Variants in C12orf50 observed in about 807,000 individuals in gnomAD.
C12orf50 encodes the protein zinc finger CCCH-type containing 11D, also known as uncharacterized protein C12orf50.
C12orf50 carries 35 observed loss-of-function variants against 61.6 expected under a neutral mutation model. That is an observed-to-expected ratio of 0.57 (90% CI 0.43 to 0.75). The LOEUF (loss-of-function observed/expected upper bound fraction) is 0.75. C12orf50 is among the 30% of genes least tolerant of loss of function. The pLI is 0.00. For synonymous variants in C12orf50, 178 were observed against 161.5 expected, an observed-to-expected ratio of 1.10 and a Z score of -0.77; for missense variants, 475 against 488.5, an observed-to-expected ratio of 0.97 and a Z score of 0.26.
At chr12:88,020,870 C>T (rs577569949) in intron 3 of C12orf50, among the ~76,000 whole-genome samples, 31 of 150,900 alleles carry the variant, frequency 2.1e-4, no homozygotes, top group African/African-American at 7.3e-4. Flanking sequence ...ATATAGGAAT[C>T]AATACTAAGA....
rs2030820640 is a variant in C12orf50, at chr12:87,986,345, G to T, written c.889C>A (p.Pro297Thr). The T allele has an allele frequency of 7.5e-6, 12 of 1,610,648 alleles. No individual in the cohort carries two copies. The highest frequency in any genetic ancestry group is 1.0e-5 in the Non-Finnish European group (12 of 1,178,498). Residue 297 changes from proline (P) to threonine (T), a missense_variant, in exon 10 of 13, where the codon CCA becomes ACA. Transcript: ENST00000298699. ...VKKRKWIYDE[P>T]QNFPNSGMQR... ...ATTCCAGAGTTAGGAAAGTTCTGTG[G>T]TTCATCATAAATCCATTTTCTTTTC...
intron 5 of C12orf50, 35 bp downstream of exon 5, chr12:87,996,532 CAA>C (rs2031402202): frequency 1.3e-6 from 2 of 1,590,964 alleles, no homozygotes; most frequent in Non-Finnish European, 1.7e-6. Flanking sequence ...TTTATCACAT[CAA>C]GTATTAGAAA....
intron 9 of C12orf50, 102 bp downstream of exon 9, chr12:87,987,748 C>CT (rs1425119672): frequency 2.5e-6 from 2 of 787,104 alleles, no homozygotes; most frequent in Non-Finnish European, 4.1e-6. Context: ...ATTTTTAAAC[C>CT]TTTTTTCTTT....
rs2032733226 is a variant in C12orf50 at position 88,027,039 on chromosome 12, T to G, written c.-77A>C. On this transcript the variant is annotated 5_prime_UTR_variant, in exon 2 of 13. Transcript: ENST00000298699. ...GCACACAGTGTCACTGCCAAGGGCC[T>G]CTTCACAGTGTCGGAATCGGCACTG... 6.2e-7 allele frequency: 1 copy of G among 1,613,326 alleles called. No individual in the cohort carries two copies. Among genetic ancestry groups the G allele is most frequent in the Non-Finnish European group, 8.5e-7 (1 of 1,179,766 alleles).
At chr12:87,994,988 A>G (rs1378136375) in intron 6 of C12orf50, among the ~76,000 whole-genome samples, 1 of 152,156 alleles carries the variant, frequency 6.6e-6, no homozygotes, top group Non-Finnish European at 1.5e-5. Flanking sequence ...ATTGTAAGCA[A>G]TCTAACACTA....
rs758912316 is a variant in C12orf50 at position 87,998,104 on chromosome 12, G to A, written c.220C>T (p.Arg74Ter). 3.1e-6 allele frequency: 5 copies of A among 1,612,672 alleles called. No homozygotes were observed. The African/African-American group carries it at 4.0e-5, about 13-fold the overall frequency. ...EPLKPQENIS[R>*]PIHHPLVLKT... is the part of the protein sequence containing the mutation. Reference sequence around the variant, plus strand: ...AAAACTAAAGGATGGTGGATGGGTCGTGATATATTTTCCTGAGGTTTCAGA... The same window carrying A: ...AAAACTAAAGGATGGTGGATGGGTCATGATATATTTTCCTGAGGTTTCAGA... Residue 74 changes from arginine to a stop codon, truncating the protein, a stop_gained, in exon 4 of 13, where the codon CGA becomes TGA. Transcript: ENST00000298699. LOFTEE classifies it high-confidence loss of function.
Position 87,990,476 on chromosome 12 carries a change from A to C in C12orf50, c.593-1105T>G, listed in dbSNP as rs111918240. ...AAGATTTTTGGTTTCTACCATGACC[A>C]AAATGGCTTTTATTAGAATAACTTT... is the stretch of plus-strand genomic sequence containing the variant. On this transcript the variant is annotated intron_variant, in intron 7 of 12. Transcript: ENST00000298699. Among the ~76,000 whole-genome samples, 11 of 152,292 alleles carry C rather than the reference A, an allele frequency of 7.2e-5. 1 individual carries two copies. Among genetic ancestry groups the C allele is most frequent in the African/African-American group, 2.6e-4 (11 of 41,568 alleles).
intron 3 of C12orf50, among the ~76,000 whole-genome samples, chr12:88,025,302 G>A (rs909952587): frequency 7.2e-5 from 11 of 152,248 alleles, no homozygotes; most frequent in Admixed American, 1.3e-4. Context: ...AAGAAGTTAA[G>A]TACCAATGCT....
In C12orf50 at chr12:87,987,843, G is replaced by T. The variant is rs768648761; in HGVS notation, c.817+7C>A. On this transcript the variant is annotated splice_region_variant and intron_variant, in intron 9 of 12. Transcript: ENST00000298699. ...GAGGCCAAAAAGTGATAGAGCTAAT[G>T]TCTCACTTGAAGAGGGGTCCTCTCT... The T allele has an allele frequency of 2.0e-6, 3 of 1,526,410 alleles. No homozygotes were observed. The highest frequency in any genetic ancestry group is 2.3e-5 in the East Asian group (1 of 44,206). 94.6% of individuals were successfully genotyped at this position (1,526,410 alleles called of 1,614,324 possible). A position where few individuals can be genotyped will look rare whatever the true frequency, so the allele number is the denominator to read the frequency against.
chr12:87,991,037 A>G (rs2031096817), intron 7 of C12orf50, among the ~76,000 whole-genome samples: 1 of 152,106 alleles, frequency 6.6e-6, no homozygotes, highest in Non-Finnish European at 1.5e-5. Context: ...GTCTCAGTTG[A>G]TAACCCAGTA....
At chr12:88,027,741 T>A (rs781156226) in intron 1 of C12orf50, 2 of 152,220 alleles carry the variant, frequency 1.3e-5, no homozygotes, top group African/African-American at 4.8e-5. Flanking sequence ...AAAAATTCTA[T>A]GTTCTTTTAA....
rs1055459239 is a variant in C12orf50, at chr12:87,994,504, A to G, written c.592+129T>C. The G allele has an allele frequency of 2.8e-5, 19 of 678,548 alleles. No homozygotes were observed. The South Asian group carries it at 4.0e-4, about 14-fold the overall frequency. The allele number at this position is 678,548 out of a possible 1,614,324, so 42.0% of individuals were successfully genotyped here. The stretch of plus-strand genomic sequence containing the variant: ...GTCTCTGAAAGCAACTGATTTTGTG[A>G]TATACCTCCAAACTCTTGTGTTAAA... On this transcript the variant is annotated intron_variant, in intron 7 of 12. Coordinates refer to ENST00000298699, the MANE Select transcript of C12orf50 (RefSeq NM_152589.3).
intron 3 of C12orf50, 33 bp from the exon 4 acceptor site, chr12:87,998,223 A>C (rs1389212641): frequency 2.6e-6 from 4 of 1,561,198 alleles, no homozygotes; most frequent in Non-Finnish European, 3.5e-6. Context: ...CAGTCTGTTC[A>C]AGATATATGT....
intron 6 of C12orf50, among the ~76,000 whole-genome samples, chr12:87,995,811 T>C (rs1375931229): frequency 6.6e-6 from 1 of 152,200 alleles, no homozygotes; most frequent in Non-Finnish European, 1.5e-5. Context: ...GTTTGAATAG[T>C]TCGCTACAAA....
At chr12:87,996,271 T>A in intron 6 of C12orf50, 103 bp downstream of exon 6, 4 of 818,538 alleles carry the variant, frequency 4.9e-6, no homozygotes, top group Non-Finnish European at 7.8e-6. Context: ...TTACGATGTA[T>A]TATTTATCAC....
At chr12:88,017,448 A>T (rs2032354384) in intron 3 of C12orf50, among the ~76,000 whole-genome samples, 1 of 152,194 alleles carries the variant, frequency 6.6e-6, no homozygotes, top group Non-Finnish European at 1.5e-5. Context: ...TAAATTGCTC[A>T]GTCTCAAGTA....
chr12:88,012,245 T>C (rs2032138893), intron 3 of C12orf50, among the ~76,000 whole-genome samples: 2 of 152,208 alleles, frequency 1.3e-5, no homozygotes, highest in Non-Finnish European at 2.9e-5. Flanking sequence ...ATCTACTTTC[T>C]ATGCTTTGTC....
At chr12:88,019,285 C>A (rs2032426243) in intron 3 of C12orf50, among the ~76,000 whole-genome samples, 1 of 152,184 alleles carries the variant, frequency 6.6e-6, no homozygotes, top group Admixed American at 6.5e-5. Context: ...CACAAACTCT[C>A]TTTCTTTGCT....
intron 3 of C12orf50, among the ~76,000 whole-genome samples, chr12:88,009,128 G>A (rs1187230203): frequency 6.6e-6 from 1 of 152,058 alleles, no homozygotes; most frequent in Non-Finnish European, 1.5e-5. Flanking sequence ...CATGTATCCA[G>A]ATGTACACAG....
Sources: allele counts gnomAD v4.1 joint callset (sites outside exome capture counted in the v4.1 genomes callset), GRCh38; gene constraint gnomAD v4.1.1; transcripts MANE v1.5; gene names NCBI Gene and HGNC (gene_info 2026-07-23, HGNC 2026-07-21).